Variants in PCYOX1 observed in about 807,000 individuals in gnomAD.
The protein encoded by PCYOX1 is prenylcysteine lyase.
Under a neutral mutation model 46.4 loss-of-function variants are expected in PCYOX1, and 46 were observed. That is an observed-to-expected ratio of 0.99 (90% CI 0.78 to 1.27). The LOEUF (loss-of-function observed/expected upper bound fraction) is 1.27. PCYOX1 is among the 50% of genes most tolerant of loss of function. The pLI is 0.00. For synonymous variants in PCYOX1, 220 were observed against 231.8 expected (o/e 0.95, Z 0.46); for missense variants, 658 against 628.3 (o/e 1.05, Z -0.51).
In PCYOX1 at chr2:70,280,884, G is replaced by A. The variant is rs1169848390; in HGVS notation, c.*3492G>A. 1.3e-5 allele frequency: 2 copies of A among 152,018 alleles called. No homozygotes were observed. Among genetic ancestry groups the A allele is most frequent in the Non-Finnish European group, 2.9e-5 (2 of 67,998 alleles). 9.4% of individuals were successfully genotyped at this position (152,018 alleles called of 1,614,324 possible). ...TCTGTACAGTTTAAAAGTGATTCAC[G>A]ATTTGCAGGCTTTTTATCAGATCAC... On this transcript the variant is annotated 3_prime_UTR_variant, in exon 6 of 6. Transcript: ENST00000433351.
chr2:70,262,732 G>A (rs1262221123), intron 3 of PCYOX1, among the ~76,000 whole-genome samples: 1 of 151,988 alleles, frequency 6.6e-6, no homozygotes, highest in Non-Finnish European at 1.5e-5. Flanking sequence ...GCCTGCCTCA[G>A]CCTCCCAAAG....
intron 3 of PCYOX1, among the ~76,000 whole-genome samples, chr2:70,262,477 ATTTTTTT>A (rs1425261526): frequency 8.7e-6 from 1 of 115,064 alleles, no homozygotes. Context: ...GCATGTGCTA[ATTTTTTT>A]TTTTTTTTTT....
At position 70,275,059 on chromosome 2, in the gene PCYOX1, C is replaced by T. The variant is rs1050443770; in HGVS notation, c.595C>T (p.Leu199Phe). Residue 199 changes from leucine (L) to phenylalanine (F), a missense_variant, in exon 4 of 6, where the codon CTT (leucine) becomes TTT (phenylalanine). Transcript: ENST00000433351. ...DDFLGMLNRT[L>F]LETLQKAGFS... ...CTTCCTTGGAATGCTTAATCGAACACTTCTTGAAACCTTGCAAAAGGCCGG... is the reference window on the plus strand; with the variant it reads ...CTTCCTTGGAATGCTTAATCGAACATTTCTTGAAACCTTGCAAAAGGCCGG... 9 of 1,613,906 alleles carry T rather than the reference C, an allele frequency of 5.6e-6. No homozygotes were observed. Among genetic ancestry groups the T allele is most frequent in the Non-Finnish European group, 7.6e-6 (9 of 1,179,760 alleles).
At position 70,278,527 on chromosome 2, in the gene PCYOX1, AAT is replaced by A. The variant is rs1491355273; in HGVS notation, c.*1137_*1138del. The A allele has an allele frequency of 6.6e-6, 1 of 152,338 alleles. No homozygotes were observed. The allele number at this position is 152,338 out of a possible 1,614,324, so 9.4% of individuals were successfully genotyped here. On this transcript the variant is annotated 3_prime_UTR_variant, in exon 6 of 6. Transcript: ENST00000433351. The stretch of plus-strand genomic sequence containing the variant: ...ACAGCCTAACAGCAGAGGCAACTTA[AAT>A]AACTCCTGAGCAGTTGGCACTAGAA...
At chr2:70,273,939 G>C (rs1696633595) in intron 3 of PCYOX1, among the ~76,000 whole-genome samples, 1 of 152,220 alleles carries the variant, frequency 6.6e-6, no homozygotes, top group South Asian at 2.1e-4. Flanking sequence ...AGACTTTTCA[G>C]AGAAGGTGGG....
chr2:70,275,284 T>C, intron 4 of PCYOX1, 114 bp downstream of exon 4: 2 of 979,378 alleles, frequency 2.0e-6, no homozygotes, highest in Non-Finnish European at 3.2e-6. Context: ...TCTGTGAACC[T>C]CAGACATTGT....
rs754604371 is a variant in PCYOX1 at position 70,261,388 on chromosome 2, T to C, written c.494+2T>C. 6.3e-7 allele frequency: 1 copy of C among 1,592,228 alleles called. No individual in the cohort carries two copies. The highest frequency in any genetic ancestry group is 8.6e-7 in the Non-Finnish European group (1 of 1,165,180). ...GGACGTGTTAGACAAGTTCATGAGG[T>C]AATTTTTTTTCCTTCCATTTAACCT... On this transcript the variant is annotated splice_donor_variant, in intron 3 of 5. Transcript: ENST00000433351. LOFTEE classifies it high-confidence loss of function.
Position 70,276,931 on chromosome 2 carries a change from A to T in PCYOX1, c.1057A>T (p.Asn353Tyr). The stretch of plus-strand genomic sequence containing the variant: ...GACAACTTTAGTTAAGGGGGAATTG[A>T]ATACATCTATCTTTAGCTCTAGACC... ...IVTTLVKGEL[N>Y]TSIFSSRPID... The change falls in exon 6 of 6, where the codon AAT becomes TAT. Residue 353 changes from asparagine to tyrosine, a missense_variant. Asn to Tyr is a moderately radical substitution (Grantham distance 143). Transcript: ENST00000433351. 6.2e-7 allele frequency: 1 copy of T among 1,611,896 alleles called. No homozygotes were observed. Among genetic ancestry groups the T allele is most frequent in the Non-Finnish European group, 8.5e-7 (1 of 1,177,970 alleles).
At position 70,258,296 on chromosome 2, in the gene PCYOX1, C is replaced by A. The variant is rs993247909; in HGVS notation, c.112+20C>A. On this transcript the variant is annotated intron_variant, in intron 1 of 5. Coordinates refer to ENST00000433351, the MANE Select transcript of PCYOX1 (RefSeq NM_016297.4). ...AAATCGGTAGGCGAGAAGGGGGCGGCGCGGGAAGGTGCTGGAGCGCGCCCC... is the reference window on the plus strand; with the variant it reads ...AAATCGGTAGGCGAGAAGGGGGCGGAGCGGGAAGGTGCTGGAGCGCGCCCC... 6.6e-7 allele frequency: 1 copy of A among 1,522,182 alleles called. No individual in the cohort carries two copies. The highest frequency in any genetic ancestry group is 8.9e-7 in the Non-Finnish European group (1 of 1,129,170). The allele number at this position is 1,522,182 out of a possible 1,614,324, so 94.3% of individuals were successfully genotyped here. A position where few individuals can be genotyped will look rare whatever the true frequency, so the allele number is the denominator to read the frequency against.
intron 1 of PCYOX1, among the ~76,000 whole-genome samples, chr2:70,258,694 A>C (rs984421061): frequency 1.3e-5 from 2 of 152,206 alleles, no homozygotes; most frequent in Admixed American, 6.5e-5. Context: ...CAGGCACAGC[A>C]CAGGGAGGAG....
rs1559038364 is a variant in PCYOX1 at position 70,277,243 on chromosome 2, C to T, written c.1369C>T (p.Leu457Phe). ...SIILHDRLYY[L>F]NGIECAASAM... ...CATTCTCCATGATCGACTTTATTACCTCAATGGCATAGAGTGTGCAGCAAG... is the reference window on the plus strand; with the variant it reads ...CATTCTCCATGATCGACTTTATTACTTCAATGGCATAGAGTGTGCAGCAAG... The change falls in exon 6 of 6, where the codon CTC becomes TTC. Residue 457 changes from leucine to phenylalanine, a missense_variant. By Grantham distance (22) the Leu-to-Phe change is conservative. Coordinates refer to ENST00000433351, the MANE Select transcript of PCYOX1 (RefSeq NM_016297.4). 2 of 1,614,140 alleles carry T rather than the reference C, an allele frequency of 1.2e-6. No individual in the cohort carries two copies. The highest frequency in any genetic ancestry group is 1.7e-6 in the Non-Finnish European group (2 of 1,180,024).
chr2:70,276,989 C>T lies in PCYOX1; in HGVS notation c.1115C>T (p.Thr372Ile). Residue 372 changes from threonine to isoleucine, a missense_variant, in exon 6 of 6, where the codon ACC becomes ATC. Physicochemically the swap from Thr to Ile is moderately conservative, Grantham distance 89. Transcript: ENST00000433351. ...IDKFGLNTVL[T>I]TDNSDLFINS... is the part of the protein sequence containing the mutation. ...AAATTTGGCCTTAATACAGTTTTAA[C>T]CACTGATAATTCAGATTTGTTCATT... 6 of 1,613,870 alleles carry T rather than the reference C, an allele frequency of 3.7e-6. No individual in the cohort carries two copies. Among genetic ancestry groups the T allele is most frequent in the South Asian group, 2.2e-5 (2 of 91,076 alleles).
intron 3 of PCYOX1, among the ~76,000 whole-genome samples, chr2:70,269,250 T>C (rs1696569379): frequency 6.7e-6 from 1 of 148,306 alleles, no homozygotes; most frequent in East Asian, 2.1e-4. Flanking sequence ...CACAGCAACC[T>C]CTGCCTCCCA....
At chr2:70,267,657 C>T (rs1003994185) in intron 3 of PCYOX1, among the ~76,000 whole-genome samples, 5 of 152,008 alleles carry the variant, frequency 3.3e-5, no homozygotes, top group Admixed American at 6.5e-5. Context: ...GGCGTGGCGG[C>T]GCGCGCCTGC....
chr2:70,266,461 C>CTT (rs1282041068), intron 3 of PCYOX1, among the ~76,000 whole-genome samples: 1 of 146,402 alleles, frequency 6.8e-6, no homozygotes, highest in Non-Finnish European at 1.5e-5. Flanking sequence ...AAGATTATAA[C>CTT]TTTTTTTTTT....
chr2:70,258,828 AAC>A (rs1696386901), intron 1 of PCYOX1, among the ~76,000 whole-genome samples: 1 of 152,242 alleles, frequency 6.6e-6, no homozygotes. Flanking sequence ...GCCTAGGACT[AAC>A]ACAGCTGCAG....
chr2:70,260,722 C>G (rs1696423867), intron 2 of PCYOX1, among the ~76,000 whole-genome samples: 1 of 152,170 alleles, frequency 6.6e-6, no homozygotes, highest in Non-Finnish European at 1.5e-5. Flanking sequence ...TGGCCTCCTT[C>G]CAGTTATCTG....
chr2:70,265,241 C>T (rs1696497398), intron 3 of PCYOX1, among the ~76,000 whole-genome samples: 1 of 142,856 alleles, frequency 7.0e-6, no homozygotes, highest in African/African-American at 2.6e-5. Flanking sequence ...CTTGCTCCGT[C>T]ACCCAGGCTG....
intron 3 of PCYOX1, among the ~76,000 whole-genome samples, chr2:70,270,024 C>G (rs1321207974): frequency 2.0e-5 from 3 of 151,676 alleles, no homozygotes; most frequent in Non-Finnish European, 4.4e-5. Flanking sequence ...GACGGAGTCT[C>G]CCTCTTGTCG....
Sources: allele counts gnomAD v4.1 joint callset (sites outside exome capture counted in the v4.1 genomes callset), GRCh38; gene constraint gnomAD v4.1.1; transcripts MANE v1.5; gene names NCBI Gene and HGNC (gene_info 2026-07-23, HGNC 2026-07-21).